The following PTPRR variants were observed in gnomAD, a reference collection of about 807,000 sequenced individuals.
The protein encoded by PTPRR is receptor-type tyrosine-protein phosphatase R.
In PTPRR, 38 loss-of-function variants were observed where a neutral mutation model predicts 77.2. That is an observed-to-expected ratio of 0.49 (90% confidence interval 0.38 to 0.65). The LOEUF is 0.65. Among genes scored for constraint, PTPRR ranks in the 30% least tolerant of loss-of-function variants. The pLI, the probability that PTPRR is intolerant of heterozygous loss-of-function variation, is 0.00. For synonymous variants in PTPRR, 299 were observed against 283.1 expected, an observed-to-expected ratio of 1.06 and a Z score of -0.57; for missense variants, 744 against 799.2, an observed-to-expected ratio of 0.93 and a Z score of 0.83.
intron 3 of PTPRR, 22 bp downstream of exon 3, chr12:70,764,643 A>T (rs777061172): frequency 4.4e-6 from 7 of 1,580,702 alleles, no homozygotes; most frequent in African/African-American, 1.3e-5. Context: ...AATTTTGGAA[A>T]TGCGAAATGT....
chr12:70,769,721 A>G (rs1444791451), intron 2 of PTPRR, among the ~76,000 whole-genome samples: 3 of 151,950 alleles, frequency 2.0e-5, no homozygotes, highest in African/African-American at 7.3e-5. Context: ...AAGCCAAAAG[A>G]ACAAAGCTGG....
intron 4 of PTPRR, among the ~76,000 whole-genome samples, chr12:70,759,259 G>A (rs76401650): frequency 6.6e-6 from 1 of 152,192 alleles, no homozygotes; most frequent in Non-Finnish European, 1.5e-5. Flanking sequence ...ACTCAGTTTT[G>A]TTGTGTGCCC....
In PTPRR at chr12:70,741,244, C is replaced by A. The variant is rs556402897; in HGVS notation, c.1007+4574G>T. Among the ~76,000 whole-genome samples, 1,165 of 152,278 alleles carry A rather than the reference C, an allele frequency of 7.7e-3. 17 individuals are homozygous for A. Among genetic ancestry groups the A allele is most frequent in the African/African-American group, 0.026 (1,096 of 41,548 alleles). ...GGAGACAATTCAATCATATATGTGT[C>A]CTCAAGAAGCTTAGAGTCTATTGGC... On this transcript the variant is annotated intron_variant, in intron 6 of 13. Transcript: ENST00000283228.
At chr12:70,810,427 C>A (rs1891788987) in intron 2 of PTPRR, among the ~76,000 whole-genome samples, 1 of 152,284 alleles carries the variant, frequency 6.6e-6, no homozygotes, top group East Asian at 1.9e-4. Context: ...TCACAGAGGT[C>A]TTTTCCCTCA....
chr12:70,660,512 TA>T (rs1337078242), intron 12 of PTPRR, among the ~76,000 whole-genome samples: 2 of 152,172 alleles, frequency 1.3e-5, no homozygotes, highest in African/African-American at 4.8e-5. Context: ...CTTGAAATAG[TA>T]ATGTTACCAA....
chr12:70,812,130 T>A (rs550655592), intron 2 of PTPRR, among the ~76,000 whole-genome samples: 3 of 152,338 alleles, frequency 2.0e-5, no homozygotes, highest in East Asian at 1.9e-4. Flanking sequence ...TCCTTACTGA[T>A]CACTTTTTTT....
intron 2 of PTPRR, among the ~76,000 whole-genome samples, chr12:70,868,754 A>G (rs977479678): frequency 6.6e-6 from 1 of 152,160 alleles, no homozygotes; most frequent in African/African-American, 2.4e-5. Context: ...TGATTGCAGC[A>G]CTATTCACAA....
At position 70,900,643 on chromosome 12, in the gene PTPRR, A is replaced by T. The variant is rs184742327; in HGVS notation, c.59-7666T>A. Among the ~76,000 whole-genome samples, 269 of 151,716 alleles carry T rather than the reference A, an allele frequency of 1.8e-3. 2 individuals are homozygous for T. The highest frequency in any genetic ancestry group is 6.2e-3 in the African/African-American group (257 of 41,494). On this transcript the variant is annotated intron_variant, in intron 1 of 13. Transcript: ENST00000283228. ...ACCACACATCTGATAAGGAGTTAATATCAAAAATACATAAGGAACTCAAAC... is the reference window on the plus strand; with the variant it reads ...ACCACACATCTGATAAGGAGTTAATTTCAAAAATACATAAGGAACTCAAAC...
intron 2 of PTPRR, among the ~76,000 whole-genome samples, chr12:70,819,672 G>A (rs1891969622): frequency 1.3e-5 from 2 of 152,178 alleles, no homozygotes; most frequent in Non-Finnish European, 2.9e-5. Flanking sequence ...AAGATCAAGG[G>A]TAATTTGGAC....
At chr12:70,905,853 G>A (rs573946139) in intron 1 of PTPRR, among the ~76,000 whole-genome samples, 48 of 152,006 alleles carry the variant, frequency 3.2e-4, no homozygotes, top group African/African-American at 1.1e-3. Context: ...TCAAAAAAAG[G>A]CTTTTACTGT....
intron 10 of PTPRR, among the ~76,000 whole-genome samples, chr12:70,670,051 A>T (rs568763298): frequency 3.3e-5 from 5 of 152,346 alleles, no homozygotes; most frequent in Admixed American, 2.6e-4. Context: ...ATGGCTCCTT[A>T]TGTGGCTTTT....
At chr12:70,645,579 G>A (rs1886166112) in intron 13 of PTPRR, among the ~76,000 whole-genome samples, 1 of 152,166 alleles carries the variant, frequency 6.6e-6, no homozygotes, top group Non-Finnish European at 1.5e-5. Flanking sequence ...CCATGCTGTG[G>A]AAGAAAGTCA....
intron 2 of PTPRR, among the ~76,000 whole-genome samples, chr12:70,880,385 CCA>C (rs1238003137): frequency 6.6e-6 from 1 of 152,156 alleles, no homozygotes; most frequent in East Asian, 1.9e-4. Context: ...TATTCTTCTA[CCA>C]CACAGCTTCT....
rs367686821 is a variant in PTPRR, at chr12:70,673,242, T to C, written c.1498-10637A>G. On this transcript the variant is annotated intron_variant, in intron 10 of 13. Coordinates refer to ENST00000283228, the MANE Select transcript of PTPRR (RefSeq NM_002849.4). ...CACCCTCTAGGAAATGTCTTCTGCC[T>C]AACCAGCAATCTTAGTTTCTGTCCT... 3.9e-5 allele frequency among the ~76,000 whole-genome samples: 6 copies of C among 152,266 alleles called. No individual in the cohort carries two copies. In the South Asian group the frequency reaches 1.2e-3, roughly 32 times the overall value.
chr12:70,885,745 G>C lies in PTPRR; in HGVS notation c.357+6934C>G, dbSNP rs80294938. 4.5e-3 allele frequency among the ~76,000 whole-genome samples: 691 copies of C among 151,938 alleles called. 13 individuals are homozygous for C. In the East Asian group the frequency reaches 0.047, roughly 10 times the overall value. On this transcript the variant is annotated intron_variant, in intron 2 of 13. Coordinates refer to ENST00000283228, the MANE Select transcript of PTPRR (RefSeq NM_002849.4). The stretch of plus-strand genomic sequence containing the variant: ...GAGATGGGGTTTCACCGTTAGCCAG[G>C]ATGATCTCGATCTACTGACCACGTG...
intron 5 of PTPRR, among the ~76,000 whole-genome samples, chr12:70,751,275 C>A (rs573295626): frequency 6.6e-6 from 1 of 152,038 alleles, no homozygotes. Flanking sequence ...CAAGTTTTGT[C>A]GGTTCTACTT....
At chr12:70,892,102 A>G (rs1328252231) in intron 2 of PTPRR, among the ~76,000 whole-genome samples, 2 of 152,072 alleles carry the variant, frequency 1.3e-5, no homozygotes, top group Non-Finnish European at 2.9e-5. Flanking sequence ...AAGCAATGGG[A>G]TCATTGTATC....
intron 2 of PTPRR, among the ~76,000 whole-genome samples, chr12:70,780,057 T>C (rs367836836): frequency 6.6e-6 from 1 of 152,024 alleles, no homozygotes; most frequent in Non-Finnish European, 1.5e-5. Context: ...AGTGGTGCAA[T>C]CTTGGCTCAC....
chr12:70,779,166 C>CTT (rs71899092), intron 2 of PTPRR, among the ~76,000 whole-genome samples: 7 of 143,472 alleles, frequency 4.9e-5, no homozygotes, highest in Non-Finnish European at 7.6e-5. Flanking sequence ...ATTTTTAAAT[C>CTT]TTTTTTTTTT....
Sources: allele counts gnomAD v4.1 joint callset (sites outside exome capture counted in the v4.1 genomes callset), GRCh38; gene constraint gnomAD v4.1.1; transcripts MANE v1.5; gene names NCBI Gene and HGNC (gene_info 2026-07-23, HGNC 2026-07-21).